LCT: variants seen among roughly 807,000 people sequenced by gnomAD.
LCT encodes lactase/phlorizin hydrolase.
LCT carries 90 observed loss-of-function variants against 173.0 expected under a neutral mutation model. The observed-to-expected ratio is 0.52, with a 90% CI of 0.44 to 0.62. The LOEUF is 0.62. LCT is among the 20% of genes least tolerant of loss of function. LCT has a pLI of 0.00. For synonymous variants in LCT, 853 were observed against 957.6 expected, an observed-to-expected ratio of 0.89 and a Z score of 2.02; for missense variants, 1,864 against 2,431.4, an observed-to-expected ratio of 0.77 and a Z score of 4.91.
intron 5 of LCT, among the ~76,000 whole-genome samples, chr2:135,818,265 G>A (rs982165069): frequency 1.4e-4 from 21 of 152,144 alleles, no homozygotes; most frequent in African/African-American, 4.8e-4. Context: ...AGTGATTCTT[G>A]CTCTTTCATG....
intron 8 of LCT, among the ~76,000 whole-genome samples, chr2:135,807,600 C>T (rs1357155332): frequency 6.6e-6 from 1 of 152,132 alleles, no homozygotes; most frequent in African/African-American, 2.4e-5. Context: ...TGATCATCTC[C>T]AAATCAAATT....
chr2:135,799,418 C>G (rs1294078827), intron 12 of LCT, among the ~76,000 whole-genome samples: 2 of 152,016 alleles, frequency 1.3e-5, no homozygotes, highest in African/African-American at 2.4e-5. Flanking sequence ...TTTTCCTTCT[C>G]TCCTCTTGTC....
Position 135,809,952 on chromosome 2 carries a change from G to A in LCT, c.2395C>T (p.Arg799Cys), listed in dbSNP as rs2077720972. ...CCTTCGAAGCCATCAATGAGGGAACGAGCAATGTAGGAACGAACATCCACA... is the reference window on the plus strand; with the variant it reads ...CCTTCGAAGCCATCAATGAGGGAACAAGCAATGTAGGAACGAACATCCACA... ...DSVDVRSYIARSLIDGFEGPS... is the reference protein window; with the variant it reads ...DSVDVRSYIACSLIDGFEGPS... The change falls in exon 8 of 17, where the codon CGT becomes TGT. Residue 799 changes from arginine to cysteine, a missense_variant. By Grantham distance (180) the Arg-to-Cys change is radical. Transcript: ENST00000264162. This position sits in a 1 kb window ranked among gnomAD's most constrained non-coding sequence, Gnocchi z 5.5. The A allele has an allele frequency of 5.0e-6, 8 of 1,613,998 alleles. No individual in the cohort carries two copies. The highest frequency in any genetic ancestry group is 6.8e-6 in the Non-Finnish European group (8 of 1,179,896).
At chr2:135,832,301 C>T (rs1490830251) in intron 2 of LCT, among the ~76,000 whole-genome samples, 1 of 151,318 alleles carries the variant, frequency 6.6e-6, no homozygotes, top group Non-Finnish European at 1.5e-5. Flanking sequence ...GTAATCCTGA[C>T]ACTTTGGGAG....
intron 14 of LCT, among the ~76,000 whole-genome samples, chr2:135,793,971 CAA>C (rs34100426): frequency 2.8e-3 from 342 of 124,188 alleles, no homozygotes; most frequent in East Asian, 9.4e-3. Context: ...TGCTAAAATA[CAA>C]AAAAAAAAAA....
intron 11 of LCT, among the ~76,000 whole-genome samples, chr2:135,802,733 G>A (rs1374782916): frequency 2.6e-5 from 4 of 152,170 alleles, no homozygotes; most frequent in African/African-American, 9.7e-5. Flanking sequence ...GGAGGACAGG[G>A]AGAGGTTGGT....
intron 9 of LCT, among the ~76,000 whole-genome samples, chr2:135,806,475 G>A (rs553394233): frequency 6.6e-6 from 1 of 152,288 alleles, no homozygotes; most frequent in East Asian, 1.9e-4. Flanking sequence ...GTAATGCCTA[G>A]GCCTTCCCAT....
In LCT at chr2:135,790,159, A is replaced by C. The variant is rs554315188; in HGVS notation, c.5336-361T>G. ...AGAAAATAGCCCTTAGATAGAATAT[A>C]TTTCAGCTGGGTAGGATTTTTCTAA... On this transcript the variant is annotated intron_variant, in intron 15 of 16. Coordinates refer to ENST00000264162, the MANE Select transcript of LCT (RefSeq NM_002299.4). The surrounding 1 kb of genome is among the most constrained non-coding windows in gnomAD (Gnocchi z 4.1). Among the ~76,000 whole-genome samples, 1 of 152,170 alleles carries C rather than the reference A, an allele frequency of 6.6e-6. No individual in the cohort carries two copies. The highest frequency in any genetic ancestry group is 2.4e-5 in the African/African-American group (1 of 41,448).
rs778554775 is a variant in LCT at position 135,798,155 on chromosome 2, G to A, written c.4867-17C>T. On this transcript the variant is annotated splice_polypyrimidine_tract_variant and intron_variant, in intron 12 of 16. Coordinates refer to ENST00000264162, the MANE Select transcript of LCT (RefSeq NM_002299.4). The stretch of plus-strand genomic sequence containing the variant: ...TCCCATGAACTGCGGGTAGGGTGGG[G>A]GAGACAGCCCAGGCGTTACAGGTGG... 33 of 1,374,242 alleles carry A rather than the reference G, an allele frequency of 2.4e-5. No individual in the cohort carries two copies. The South Asian group carries it at 3.7e-4, about 15-fold the overall frequency. 85.1% of individuals were successfully genotyped at this position (1,374,242 alleles called of 1,614,324 possible). A position where few individuals can be genotyped will look rare whatever the true frequency, so the allele number is the denominator to read the frequency against.
At chr2:135,791,049 G>C (rs577082228) in intron 14 of LCT, among the ~76,000 whole-genome samples, 168 bp from the exon 15 acceptor site, 6 of 152,140 alleles carry the variant, frequency 3.9e-5, no homozygotes, top group Non-Finnish European at 7.3e-5. Context: ...TCCTCCTTTC[G>C]CTGGTTCTAG....
intron 12 of LCT, 93 bp downstream of exon 12, chr2:135,800,514 C>T (rs180832938): frequency 3.5e-4 from 386 of 1,103,466 alleles, no homozygotes; most frequent in Non-Finnish European, 4.1e-4. Flanking sequence ...CATGAGCCAC[C>T]ACACCCTAAA....
At chr2:135,792,102 A>T (rs765119220) in intron 14 of LCT, among the ~76,000 whole-genome samples, 1 of 152,228 alleles carries the variant, frequency 6.6e-6, no homozygotes, top group Non-Finnish European at 1.5e-5. Context: ...TCTGCCTCTG[A>T]ACACACATCC....
Position 135,812,783 on chromosome 2 carries a change from C to A in LCT, c.1881G>T (p.Met627Ile). 1 of 1,614,190 alleles carries A rather than the reference C, an allele frequency of 6.2e-7. No individual in the cohort carries two copies. Among genetic ancestry groups the A allele is most frequent in the Non-Finnish European group, 8.5e-7 (1 of 1,180,038 alleles). The change falls in exon 7 of 17, where the codon ATG (methionine) becomes ATT (isoleucine). Residue 627 changes from methionine to isoleucine, a missense_variant. Met to Ile is a conservative substitution (Grantham distance 10). Coordinates refer to ENST00000264162, the MANE Select transcript of LCT (RefSeq NM_002299.4). ...LRASERFLHF[M>I]LGWFAHPVFV... The stretch of plus-strand genomic sequence containing the variant: ...AGACGGGGTGTGCAAACCAGCCCAG[C>A]ATGAAGTGCAAGAAGCGCTCAGAGG...
intron 4 of LCT, 66 bp from the exon 5 acceptor site, chr2:135,822,164 A>C (rs1438165252): frequency 2.0e-6 from 2 of 995,106 alleles, no homozygotes; most frequent in African/African-American, 3.2e-5. Flanking sequence ...GTCTGAAATC[A>C]ACAGTTTTCC....
chr2:135,790,974 G>A lies in LCT; in HGVS notation c.5112-93C>T, dbSNP rs1229983002. The stretch of plus-strand genomic sequence containing the variant: ...CAAAACAGGACTTAGACCAGGAAAA[G>A]CCTTAGGTTTTGTCTAGCCTTAAGA... On this transcript the variant is annotated intron_variant, in intron 14 of 16. Coordinates refer to ENST00000264162, the MANE Select transcript of LCT (RefSeq NM_002299.4). The surrounding 1 kb of genome is among the most constrained non-coding windows in gnomAD (Gnocchi z 4.1). 1.1e-6 allele frequency: 1 copy of A among 952,022 alleles called. No individual in the cohort carries two copies. Among genetic ancestry groups the A allele is most frequent in the African/African-American group, 1.6e-5 (1 of 62,124 alleles). 59.0% of individuals were successfully genotyped at this position (952,022 alleles called of 1,614,324 possible). A position where few individuals can be genotyped will look rare whatever the true frequency, so the allele number is the denominator to read the frequency against.
At chr2:135,800,835 CA>C (rs749503120) in intron 11 of LCT, 26 bp from the exon 12 acceptor site, 2 of 1,550,352 alleles carry the variant, frequency 1.3e-6, no homozygotes, top group Non-Finnish European at 1.8e-6. Context: ...TGGATGTCAA[CA>C]GAGAATGGAT....
chr2:135,819,301 CT>C (rs1308993324), intron 5 of LCT, among the ~76,000 whole-genome samples: 1 of 152,150 alleles, frequency 6.6e-6, no homozygotes, highest in Non-Finnish European at 1.5e-5. Flanking sequence ...CTCCTTTCCT[CT>C]TTTTTCTTTC....
At position 135,828,789 on chromosome 2, in the gene LCT, G is replaced by C. The variant is rs147391271; in HGVS notation, c.804+804C>G. Among the ~76,000 whole-genome samples, 451 of 152,300 alleles carry C rather than the reference G, an allele frequency of 3.0e-3. 4 individuals carry two copies. Among genetic ancestry groups the C allele is most frequent in the South Asian group, 0.023 (109 of 4,822 alleles). ...CTTGAGAAAAGCAGTACTGGGTACA[G>C]GAGGGAGTACTGAGCTTACTGGAAG... is the stretch of plus-strand genomic sequence containing the variant. On this transcript the variant is annotated intron_variant, in intron 3 of 16. Coordinates refer to ENST00000264162, the MANE Select transcript of LCT (RefSeq NM_002299.4).
chr2:135,823,442 G>C (rs1352093956), intron 4 of LCT, among the ~76,000 whole-genome samples: 1 of 152,166 alleles, frequency 6.6e-6, no homozygotes, highest in Non-Finnish European at 1.5e-5. Flanking sequence ...ACACTTGAAA[G>C]TTCTTAGCAT....
Sources: allele counts gnomAD v4.1 joint callset (sites outside exome capture counted in the v4.1 genomes callset), GRCh38; gene constraint gnomAD v4.1.1; non-coding constraint Gnocchi (gnomAD v3.1); transcripts MANE v1.5; gene names NCBI Gene and HGNC (gene_info 2026-07-23, HGNC 2026-07-21).